The following RIPOR1 variants were observed in gnomAD, a reference collection of about 807,000 sequenced individuals.
RIPOR1 encodes the protein rho family-interacting cell polarization regulator 1.
RIPOR1 carries 58 observed loss-of-function variants against 116.5 expected under a neutral mutation model. The observed-to-expected ratio is 0.50, with a 90% CI of 0.40 to 0.62. The LOEUF is 0.62. RIPOR1 is among the 20% of genes least tolerant of loss of function. RIPOR1 has a pLI of 0.00. For synonymous variants in RIPOR1, 605 were observed against 650.0 expected, an observed-to-expected ratio of 0.93 and a Z score of 1.05; for missense variants, 1,372 against 1,586.2, an observed-to-expected ratio of 0.86 and a Z score of 2.29.
In RIPOR1 at chr16:67,542,175, T is replaced by A. The variant is rs150539048; in HGVS notation, c.1389T>A (p.Ala463=). 1 of 1,613,148 alleles carries A rather than the reference T, an allele frequency of 6.2e-7. No individual in the cohort carries two copies. Among genetic ancestry groups the A allele is most frequent in the South Asian group, 1.1e-5 (1 of 91,030 alleles). Reference sequence around the variant, plus strand: ...GTGTAGATGCTGCCTTGGCTGAGGCTTCAGTGGAGGCCGTTGGCCCAGAAA... The same window carrying A: ...GTGTAGATGCTGCCTTGGCTGAGGCATCAGTGGAGGCCGTTGGCCCAGAAA... ...EASVDAALAE[A]SVEAVGPESL... The change falls in exon 13 of 22, where the codon GCT becomes GCA. Residue 463 remains alanine (A), a synonymous_variant. Transcript: ENST00000042381. The surrounding 1 kb of genome is among the most constrained non-coding windows in gnomAD (Gnocchi z 4.6).
At chr16:67,539,380 G>T in intron 4 of RIPOR1, 3 of 523,980 alleles carry the variant, frequency 5.7e-6, no homozygotes, top group Non-Finnish European at 3.4e-6. Flanking sequence ...CTTGGGAAGA[G>T]GTTAGGGCTT....
In RIPOR1 at chr16:67,545,951, C is replaced by A. The variant is rs2051151909; in HGVS notation, c.3390C>A (p.Ala1130=). The change falls in exon 20 of 22, where the codon GCC becomes GCA. Residue 1130 remains alanine (A), a splice_region_variant and synonymous_variant. Coordinates refer to ENST00000042381, the MANE Select transcript of RIPOR1 (RefSeq NM_024519.4). This position sits in a 1 kb window ranked among gnomAD's most constrained non-coding sequence, Gnocchi z 4.8. The stretch of plus-strand genomic sequence containing the variant: ...TCTGTCCTCCCACCCTTCCACAGGC[C>A]CTCCTGTGCTTCCTGGACCAGCTGG... ...LSLGPTFRER[A]LLCFLDQLED... The A allele has an allele frequency of 1.2e-6, 2 of 1,613,906 alleles. No individual in the cohort carries two copies. Among genetic ancestry groups the A allele is most frequent in the South Asian group, 1.1e-5 (1 of 91,084 alleles).
chr16:67,538,712 C>T lies in RIPOR1; in HGVS notation c.145C>T (p.Pro49Ser), dbSNP rs771239489. 5 of 1,613,282 alleles carry T rather than the reference C, an allele frequency of 3.1e-6. No homozygotes were observed. The highest frequency in any genetic ancestry group is 2.5e-6 in the Non-Finnish European group (3 of 1,179,898). Residue 49 changes from proline (P) to serine (S), a missense_variant, in exon 3 of 22, where the codon CCC (proline) becomes TCC (serine). By Grantham distance (74) the Pro-to-Ser change is moderately conservative. Coordinates refer to ENST00000042381, the MANE Select transcript of RIPOR1 (RefSeq NM_024519.4). ...VFSPPGPPRK[P>S]PALSRVSRMF... ...CAGCCCGCCGGGGCCCCCACGGAAGCCCCCCGCGCTCTCCCGAGTGTCCAG... is the reference window on the plus strand; with the variant it reads ...CAGCCCGCCGGGGCCCCCACGGAAGTCCCCCGCGCTCTCCCGAGTGTCCAG...
chr16:67,541,653 C>T lies in RIPOR1; in HGVS notation c.951C>T (p.Ser317=), dbSNP rs377649453. The T allele has an allele frequency of 6.2e-6, 10 of 1,614,098 alleles. No individual in the cohort carries two copies. The highest frequency in any genetic ancestry group is 8.5e-6 in the Non-Finnish European group (10 of 1,179,964). ...TIKLSLEVTW[S]PFDKDDQPSA... ...TGCCAACAGCCTCTTCCCTTCCCAGCCCCTTCGACAAGGATGACCAGCCCT... is the reference window on the plus strand; with the variant it reads ...TGCCAACAGCCTCTTCCCTTCCCAGTCCCTTCGACAAGGATGACCAGCCCT... The change falls in exon 12 of 22, where the codon AGC becomes AGT. Residue 317 remains serine (S), a splice_region_variant and synonymous_variant. Coordinates refer to ENST00000042381, the MANE Select transcript of RIPOR1 (RefSeq NM_024519.4). This position sits in a 1 kb window ranked among gnomAD's most constrained non-coding sequence, Gnocchi z 4.6.
chr16:67,538,368 T>TG, intron 1 of RIPOR1, 56 bp from the exon 2 acceptor site: 1 of 1,515,666 alleles, frequency 6.6e-7, no homozygotes, highest in Non-Finnish European at 8.9e-7. Flanking sequence ...TCCCGCTGCG[T>TG]GGGAGAGGGC....
intron 1 of RIPOR1, among the ~76,000 whole-genome samples, chr16:67,535,158 T>G (rs1470610588): frequency 6.6e-6 from 1 of 152,196 alleles, no homozygotes; most frequent in Non-Finnish European, 1.5e-5. Flanking sequence ...TTATTTTTCA[T>G]GTGGGAGTGA....
Position 67,545,202 on chromosome 16 carries a change from AAACG to A in RIPOR1, c.3031+89_3031+92del. On this transcript the variant is annotated intron_variant, in intron 17 of 21. Coordinates refer to ENST00000042381, the MANE Select transcript of RIPOR1 (RefSeq NM_024519.4). This position sits in a 1 kb window ranked among gnomAD's most constrained non-coding sequence, Gnocchi z 4.8. Reference sequence around the variant, plus strand: ...GGAAGCCAGGTCAGCCCACACAGATAAACGAACTGGGCACCGAGGAGACCAGCAA... The same window carrying A: ...GGAAGCCAGGTCAGCCCACACAGATAAACTGGGCACCGAGGAGACCAGCAA... 3.8e-6 allele frequency: 6 copies of A among 1,565,812 alleles called. No individual in the cohort carries two copies. Among genetic ancestry groups the A allele is most frequent in the Non-Finnish European group, 5.2e-6 (6 of 1,150,826 alleles).
upstream of RIPOR1, among the ~76,000 whole-genome samples, chr16:67,527,604 C>T (rs889288463): frequency 1.3e-5 from 2 of 151,734 alleles, no homozygotes; most frequent in Non-Finnish European, 2.9e-5. Flanking sequence ...AGGCTGGGCG[C>T]GGTGGCTCAT....
chr16:67,541,260 G>T lies in RIPOR1; in HGVS notation c.802-170G>T. 1 of 522,714 alleles carries T rather than the reference G, an allele frequency of 1.9e-6. No homozygotes were observed. The highest frequency in any genetic ancestry group is 3.3e-6 in the Non-Finnish European group (1 of 307,474). 32.4% of individuals were successfully genotyped at this position (522,714 alleles called of 1,614,324 possible). A position where few individuals can be genotyped will look rare whatever the true frequency, so the allele number is the denominator to read the frequency against. On this transcript the variant is annotated intron_variant, in intron 10 of 21. Transcript: ENST00000042381. The surrounding 1 kb of genome is among the most constrained non-coding windows in gnomAD (Gnocchi z 4.6). ...TTTTTTTTTTTTTTTTTTTGAGACA[G>T]AGTCTTGCCATGTTGCCCAAGCTGG... is the stretch of plus-strand genomic sequence containing the variant.
chr16:67,527,146 C>T (rs146062214), upstream of RIPOR1, among the ~76,000 whole-genome samples: 3 of 152,126 alleles, frequency 2.0e-5, no homozygotes, highest in Non-Finnish European at 2.9e-5. Context: ...GGGCACTGAC[C>T]GGCCCAGTGG....
In RIPOR1 at chr16:67,542,504, C is replaced by A. The variant is rs1234330638; in HGVS notation, c.1718C>A (p.Ser573Tyr). 1 of 1,613,846 alleles carries A rather than the reference C, an allele frequency of 6.2e-7. No individual in the cohort carries two copies. The highest frequency in any genetic ancestry group is 1.7e-5 in the Admixed American group (1 of 59,956). Reference protein sequence around the residue: ...PSPLTHTTTGSTHKPIISTLT... With the variant: ...PSPLTHTTTGYTHKPIISTLT... ...CCCCTCACTCACACTACTACAGGCT[C>A]CACCCACAAGCCCATAATCTCTACC... Residue 573 changes from serine (S) to tyrosine (Y), a missense_variant, in exon 13 of 22, where the codon TCC (serine) becomes TAC (tyrosine). By Grantham distance (144) the Ser-to-Tyr change is moderately radical. This residue lies in a region of RIPOR1 where 1,005 missense variants were observed against 1,144.7 expected (regional missense o/e 0.88). Coordinates refer to ENST00000042381, the MANE Select transcript of RIPOR1 (RefSeq NM_024519.4). This position sits in a 1 kb window ranked among gnomAD's most constrained non-coding sequence, Gnocchi z 4.6.
Position 67,546,401 on chromosome 16 carries a change from G to A in RIPOR1, c.3598G>A (p.Glu1200Lys). Reference protein sequence around the residue: ...EGQSAHRRLEESLDALPRIFG... With the variant: ...EGQSAHRRLEKSLDALPRIFG... ...ACAGTCTGCCCATCGACGGCTGGAG[G>A]AGTCCCTGGACGCCCTGCCCCGCAT... The change falls in exon 22 of 22, where the codon GAG becomes AAG. Residue 1200 changes from glutamate (E) to lysine (K), a missense_variant. By Grantham distance (56) the Glu-to-Lys change is moderately conservative. This residue lies in a region of RIPOR1 where 1,005 missense variants were observed against 1,144.7 expected (regional missense o/e 0.88). Transcript: ENST00000042381. 1 of 1,614,114 alleles carries A rather than the reference G, an allele frequency of 6.2e-7. No homozygotes were observed. Among genetic ancestry groups the A allele is most frequent in the Non-Finnish European group, 8.5e-7 (1 of 1,180,032 alleles).
chr16:67,545,623 T>C lies in RIPOR1; in HGVS notation c.3191-41T>C, dbSNP rs749202793. The C allele has an allele frequency of 3.8e-6, 6 of 1,574,590 alleles. No homozygotes were observed. Among genetic ancestry groups the C allele is most frequent in the Non-Finnish European group, 5.2e-6 (6 of 1,157,904 alleles). ...CCCCAACCTCGGGGGCTCCTCACCC[T>C]GCCACCTTGCCCACCCACCCACCAT... On this transcript the variant is annotated intron_variant, in intron 18 of 21. Transcript: ENST00000042381. The surrounding 1 kb of genome is among the most constrained non-coding windows in gnomAD (Gnocchi z 4.8).
Position 67,530,199 on chromosome 16 carries a change from G to A in RIPOR1, c.-24+1285G>A. The A allele has an allele frequency of 3.3e-6, 1 of 304,820 alleles. No individual in the cohort carries two copies. 18.9% of individuals were successfully genotyped at this position (304,820 alleles called of 1,614,324 possible). ...GGGGAGGGCGCGGGTGAGTCACGGC[G>A]GCCCCTCTGCGTCGCCGCTCGGACT... On this transcript the variant is annotated intron_variant, in intron 1 of 21. Coordinates refer to ENST00000042381, the MANE Select transcript of RIPOR1 (RefSeq NM_024519.4). The surrounding 1 kb of genome is among the most constrained non-coding windows in gnomAD (Gnocchi z 4.5).
chr16:67,530,860 C>CCAGT lies in RIPOR1; in HGVS notation c.-24+1948_-24+1951dup, dbSNP rs1282945619. ...CAGAGAGTCCCCTGGTTCTTATCAG[C>CCAGT]CAGTCCCCCACCAGTTGAGGTGGCC... On this transcript the variant is annotated intron_variant, in intron 1 of 21. Transcript: ENST00000042381. This position sits in a 1 kb window ranked among gnomAD's most constrained non-coding sequence, Gnocchi z 4.5. Among the ~76,000 whole-genome samples, 1 of 152,154 alleles carries CCAGT rather than the reference C, an allele frequency of 6.6e-6. No homozygotes were observed. Among genetic ancestry groups the CCAGT allele is most frequent in the Non-Finnish European group, 1.5e-5 (1 of 68,014 alleles).
Position 67,529,389 on chromosome 16 carries a change from G to C in RIPOR1, c.-24+475G>C, listed in dbSNP as rs146165299. ...TCTAGGGGCCGGCCTAAGCGGCTTTGTGGCCGGCCCCGAGGTGACCGAGCC... is the reference window on the plus strand; with the variant it reads ...TCTAGGGGCCGGCCTAAGCGGCTTTCTGGCCGGCCCCGAGGTGACCGAGCC... On this transcript the variant is annotated intron_variant, in intron 1 of 21. Transcript: ENST00000042381. The surrounding 1 kb of genome is among the most constrained non-coding windows in gnomAD (Gnocchi z 4.1). 0.034 allele frequency: 6,198 copies of C among 184,788 alleles called. 132 individuals carry two copies. Among genetic ancestry groups the C allele is most frequent in the South Asian group, 0.051 (395 of 7,716 alleles). 11.4% of individuals were successfully genotyped at this position (184,788 alleles called of 1,614,324 possible). A position where few individuals can be genotyped will look rare whatever the true frequency, so the allele number is the denominator to read the frequency against.
chr16:67,546,480 T>A lies in RIPOR1; in HGVS notation c.*17T>A. The A allele has an allele frequency of 6.2e-7, 1 of 1,602,920 alleles. No individual in the cohort carries two copies. The highest frequency in any genetic ancestry group is 8.5e-7 in the Non-Finnish European group (1 of 1,170,682). ...GCATTCTAAACTATTCACCCATGGG[T>A]TCCTGGTGCCCCTTTCCCCCCACTT... On this transcript the variant is annotated 3_prime_UTR_variant, in exon 22 of 22. Coordinates refer to ENST00000042381, the MANE Select transcript of RIPOR1 (RefSeq NM_024519.4).
chr16:67,537,257 C>A lies in RIPOR1; in HGVS notation c.-23-1167C>A, dbSNP rs1174344749. 6.6e-6 allele frequency among the ~76,000 whole-genome samples: 1 copy of A among 152,224 alleles called. No individual in the cohort carries two copies. Among genetic ancestry groups the A allele is most frequent in the Admixed American group, 6.5e-5 (1 of 15,280 alleles). ...CCCCCTACTCTAATGTCTGATACTT[C>A]CTCCACTTAGCGTCTCCATTCTATC... On this transcript the variant is annotated intron_variant, in intron 1 of 21. Transcript: ENST00000042381. This position sits in a 1 kb window ranked among gnomAD's most constrained non-coding sequence, Gnocchi z 4.6.
chr16:67,545,017 A>C lies in RIPOR1; in HGVS notation c.2931A>C (p.Arg977Ser). The C allele has an allele frequency of 6.2e-7, 1 of 1,613,382 alleles. No homozygotes were observed. The highest frequency in any genetic ancestry group is 1.1e-5 in the South Asian group (1 of 91,074). ...CCTTCTGGGACCAGTGCACAGAGAG[A>C]CTCAGCTGCTTCCTCTGCCCGGTGG... ...FLTFWDQCTERLSCFLCPVER... is the reference protein window; with the variant it reads ...FLTFWDQCTESLSCFLCPVER... Residue 977 changes from arginine to serine, a missense_variant, in exon 17 of 22, where the codon AGA (arginine) becomes AGC (serine). Physicochemically the swap from Arg to Ser is moderately radical, Grantham distance 110 (BLOSUM62 -1). This residue lies in a region of RIPOR1 where 1,005 missense variants were observed against 1,144.7 expected (regional missense o/e 0.88). Transcript: ENST00000042381. This position sits in a 1 kb window ranked among gnomAD's most constrained non-coding sequence, Gnocchi z 4.8.
Sources: allele counts gnomAD v4.1 joint callset (sites outside exome capture counted in the v4.1 genomes callset), GRCh38; gene constraint gnomAD v4.1.1; regional missense constraint gnomAD v4.1.1; non-coding constraint Gnocchi (gnomAD v3.1); transcripts MANE v1.5; gene names NCBI Gene and HGNC (gene_info 2026-07-23, HGNC 2026-07-21).